Variants in CES5A observed in about 807,000 individuals in gnomAD.
CES5A encodes the protein carboxylesterase 5.
In CES5A, 67 loss-of-function variants were observed where a neutral mutation model predicts 62.9. The observed-to-expected ratio is 1.07, with a 90% CI of 0.88 to 1.31. The LOEUF is 1.31. CES5A is among the 50% of genes most tolerant of loss of function. The pLI is 0.00. For synonymous variants in CES5A, 296 were observed against 280.8 expected, an observed-to-expected ratio of 1.05 and a Z score of -0.54; for missense variants, 748 against 708.5, an observed-to-expected ratio of 1.06 and a Z score of -0.63.
rs376643532 is a variant in CES5A, at chr16:55,863,452, T to A, written c.706A>T (p.Ile236Leu). ...SAGAISVSSL[I>L]LSPMAKGLFH... ...AAGCCTTTGGCCATGGGAGACAGTA[T>A]CTGGAGAGAGAACACAGAAGACCCA... Residue 236 changes from isoleucine to leucine, a missense_variant and splice_region_variant, in exon 6 of 13, where the codon ATA becomes TTA. Ile to Leu is a conservative substitution (Grantham distance 5). Transcript: ENST00000290567. The A allele has an allele frequency of 1.3e-6, 2 of 1,523,960 alleles. No individual in the cohort carries two copies. Among genetic ancestry groups the A allele is most frequent in the African/African-American group, 2.7e-5 (2 of 73,030 alleles). The allele number at this position is 1,523,960 out of a possible 1,614,324, so 94.4% of individuals were successfully genotyped here. A position where few individuals can be genotyped will look rare whatever the true frequency, so the allele number is the denominator to read the frequency against.
At chr16:55,929,102 A>C (rs1477124289), upstream of CES5A, among the ~76,000 whole-genome samples, 3 of 152,208 alleles carry the variant, frequency 2.0e-5, no homozygotes, top group Non-Finnish European at 4.4e-5. Context: ...AGTGGGCTCT[A>C]AGACTCCACA....
chr16:55,935,558 G>C (rs1225135980), intron 2 of CES5A, among the ~76,000 whole-genome samples: 1 of 152,142 alleles, frequency 6.6e-6, no homozygotes. Context: ...CTTAGAATAT[G>C]ATTTCTTCTC....
intron 2 of CES5A, chr16:55,949,775 A>G (rs2034534407): frequency 7.2e-7 from 1 of 1,396,806 alleles, no homozygotes; most frequent in East Asian, 2.6e-5. Flanking sequence ...ATTCTTGTCA[A>G]ACAACTCACC....
chr16:55,861,411 C>G lies in CES5A; in HGVS notation c.915+1G>C, dbSNP rs1467290727. 5 of 1,603,890 alleles carry G rather than the reference C, an allele frequency of 3.1e-6. No homozygotes were observed. The highest frequency in any genetic ancestry group is 1.7e-4 in the Middle Eastern group (1 of 6,052). On this transcript the variant is annotated splice_donor_variant, in intron 7 of 12. Coordinates refer to ENST00000290567, the MANE Select transcript of CES5A (RefSeq NM_001143685.2). LOFTEE classifies it high-confidence loss of function. ...CCCAAAACTGCCCCCTCTGTCCTCA[C>G]CTGGCTGAGGGTCAGCAGCTCCTTG...
rs1475390224 is a variant in CES5A, at chr16:55,869,801, T to A, written c.418-57A>T. 10 of 1,544,980 alleles carry A rather than the reference T, an allele frequency of 6.5e-6. No homozygotes were observed. The East Asian group carries it at 1.2e-4, about 19-fold the overall frequency. Reference sequence around the variant, plus strand: ...CACCAGGCACCACCTCCCCTCCCCATGCAGTTTGAGGCACACGTTCTTAAG... The same window carrying A: ...CACCAGGCACCACCTCCCCTCCCCAAGCAGTTTGAGGCACACGTTCTTAAG... On this transcript the variant is annotated intron_variant, in intron 3 of 12. Coordinates refer to ENST00000290567, the MANE Select transcript of CES5A (RefSeq NM_001143685.2).
chr16:55,945,290 C>T lies in CES5A; in HGVS notation c.160+4495G>A, dbSNP rs1597161609. Reference sequence around the variant, plus strand: ...TAGGTACATTATCTGATTTAATGCCCATATTAATGGCTTGGAAAAGTTAAG... The same window carrying T: ...TAGGTACATTATCTGATTTAATGCCTATATTAATGGCTTGGAAAAGTTAAG... On this transcript the variant is annotated intron_variant, in intron 2 of 13. Transcript: ENST00000521992. Among the ~76,000 whole-genome samples the T allele has an allele frequency of 3.9e-5, 6 of 152,230 alleles. No homozygotes were observed. In the South Asian group the frequency reaches 1.2e-3, roughly 32 times the overall value.
intron 4 of CES5A, among the ~76,000 whole-genome samples, chr16:55,866,703 T>G (rs1597121725): frequency 7.8e-6 from 1 of 128,640 alleles, no homozygotes; most frequent in African/African-American, 2.7e-5. Context: ...CTGGACACGG[T>G]GGCAGGCGCC....
intron 1 of CES5A, among the ~76,000 whole-genome samples, chr16:55,924,216 A>C (rs1005436116): frequency 5.9e-5 from 9 of 152,052 alleles, no homozygotes; most frequent in Admixed American, 2.0e-4. Flanking sequence ...AAACAAATTC[A>C]ATAAATTTGC....
chr16:55,890,006 T>A (rs2033859485), intron 1 of CES5A, among the ~76,000 whole-genome samples: 1 of 152,144 alleles, frequency 6.6e-6, no homozygotes, highest in Non-Finnish European at 1.5e-5. Context: ...CAGAACCAAG[T>A]CATAGTGACC....
chr16:55,913,072 G>T (rs113465509), intron 1 of CES5A, among the ~76,000 whole-genome samples: 2,266 of 152,256 alleles, frequency 0.015, 73 homozygotes, highest in African/African-American at 0.052. Context: ...GCGGGAGACC[G>T]GAATTTTATT....
chr16:55,865,927 C>T (rs1373244307), intron 5 of CES5A, 36 bp downstream of exon 5: 5 of 1,613,520 alleles, frequency 3.1e-6, no homozygotes, highest in African/African-American at 2.7e-5. Flanking sequence ...ACCTCCGGCA[C>T]TGAGATTCAT....
chr16:55,898,781 T>C (rs1188440477), intron 1 of CES5A, among the ~76,000 whole-genome samples: 1 of 152,212 alleles, frequency 6.6e-6, no homozygotes, highest in Non-Finnish European at 1.5e-5. Context: ...GAAGATCATC[T>C]GACCAGGAAG....
upstream of CES5A, among the ~76,000 whole-genome samples, chr16:55,879,226 G>C (rs1194154920): frequency 1.4e-5 from 2 of 140,048 alleles, no homozygotes; most frequent in Admixed American, 1.4e-4. Context: ...CTCCATCACT[G>C]CACCCCATCA....
intron 1 of CES5A, among the ~76,000 whole-genome samples, chr16:55,912,001 A>G (rs2034098238): frequency 6.6e-6 from 1 of 152,232 alleles, no homozygotes; most frequent in Non-Finnish European, 1.5e-5. Context: ...TCTACCAAGC[A>G]AGGTGACAGT....
chr16:55,892,514 G>A (rs1443741502), intron 1 of CES5A, among the ~76,000 whole-genome samples: 2 of 152,106 alleles, frequency 1.3e-5, no homozygotes, highest in South Asian at 2.1e-4. Context: ...GGTATGCAAG[G>A]TTTGTTTAAT....
At chr16:55,948,079 A>G (rs1213334238) in intron 2 of CES5A, among the ~76,000 whole-genome samples, 2 of 152,140 alleles carry the variant, frequency 1.3e-5, no homozygotes, top group Non-Finnish European at 2.9e-5. Flanking sequence ...AAAGAAAAAG[A>G]AAATGTAAAA....
chr16:55,944,146 A>C, intron 2 of CES5A: 1 of 701,516 alleles, frequency 1.4e-6, no homozygotes, highest in Non-Finnish European at 2.6e-6. Context: ...TGTATTACTT[A>C]TGGGCTAAGA....
At chr16:55,923,445 A>G (rs1427415267) in intron 1 of CES5A, among the ~76,000 whole-genome samples, 2 of 151,930 alleles carry the variant, frequency 1.3e-5, no homozygotes, top group Admixed American at 6.6e-5. Context: ...CTGGACACAT[A>G]CAACCTATCA....
chr16:55,923,312 A>C (rs866511062), intron 1 of CES5A, among the ~76,000 whole-genome samples: 1 of 151,636 alleles, frequency 6.6e-6, no homozygotes, highest in Non-Finnish European at 1.5e-5. Flanking sequence ...CACATAAATA[A>C]AATCAGAAAT....
Sources: gnomAD v4.1 joint callset for allele counts (sites outside exome capture counted in the v4.1 genomes callset) on GRCh38, gnomAD v4.1.1 for gene constraint, MANE v1.5 for transcripts, NCBI Gene and HGNC (gene_info 2026-07-23, HGNC 2026-07-21) for gene names.